The following HTT variants were observed in gnomAD, a reference collection of about 807,000 sequenced individuals.
HTT encodes huntingtin, also known as huntington disease protein.
A neutral mutation model predicts 362.3 loss-of-function variants in HTT; 104 were observed. That is an observed-to-expected ratio of 0.29 (90% confidence interval 0.24 to 0.34). The LOEUF is 0.34. Among genes scored for constraint, HTT ranks in the 10% least tolerant of loss-of-function variants. HTT has a pLI of 1.00. For synonymous variants in HTT, 1,577 were observed against 1,548.7 expected (o/e 1.02, Z -0.43); for missense variants, 3,301 against 3,928.6 (o/e 0.84, Z 4.27).
intron 59 of HTT, 147 bp from the exon 60 acceptor site, chr4:3,229,740 A>C (rs1197577351): frequency 1.2e-6 from 1 of 853,624 alleles, no homozygotes; most frequent in Admixed American, 2.0e-5. Context: ...ACACGCATAC[A>C]CCACACACAC....
At chr4:3,122,604 G>C (rs576787394) in intron 9 of HTT, among the ~76,000 whole-genome samples, 1 of 152,334 alleles carries the variant, frequency 6.6e-6, no homozygotes, top group South Asian at 2.1e-4. Context: ...CTGTTAGTCA[G>C]CTAAATAATC....
intron 8 of HTT, among the ~76,000 whole-genome samples, chr4:3,119,433 CA>C (rs1424577750): frequency 6.6e-6 from 1 of 152,218 alleles, no homozygotes; most frequent in Non-Finnish European, 1.5e-5. Context: ...TTTCAAATGA[CA>C]TGGAGTAGTA....
chr4:3,157,741 A>T (rs146806801), intron 28 of HTT, among the ~76,000 whole-genome samples: 88 of 151,974 alleles, frequency 5.8e-4, no homozygotes, highest in Middle Eastern at 3.4e-3. Context: ...CTGTCTAGGG[A>T]TGTTTTAGTT....
intron 3 of HTT, among the ~76,000 whole-genome samples, chr4:3,103,361 A>AT (rs1714257914): frequency 1.3e-5 from 2 of 150,418 alleles, no homozygotes; most frequent in Admixed American, 1.3e-4. Flanking sequence ...AGTAGCTGGG[A>AT]TTACAGGCGC....
intron 30 of HTT, 64 bp downstream of exon 30, chr4:3,172,461 C>T (rs1718035934): frequency 1.9e-6 from 2 of 1,037,544 alleles, no homozygotes; most frequent in East Asian, 2.4e-5. Flanking sequence ...AACGCTGCTA[C>T]TCCTTAAGAG....
In HTT at chr4:3,214,062, C is replaced by G; in HGVS notation, c.6879C>G (p.Ser2293Arg). 1 of 1,609,298 alleles carries G rather than the reference C, an allele frequency of 6.2e-7. No homozygotes were observed. Residue 2293 changes from serine to arginine, a missense_variant, in exon 50 of 67, where the codon AGC becomes AGG. Physicochemically the swap from Ser to Arg is moderately radical, Grantham distance 110. This residue lies in a region of HTT where 220 missense variants were observed against 218.5 expected (regional missense o/e 1.01). Transcript: ENST00000355072. ...CLALQLPGLW[S>R]VVSSTEFVTH... ...CCCTGCAGCTGCCTGGCCTCTGGAG[C>G]GTGGTCTCCTCCACAGAGTTTGTGA...
intron 6 of HTT, among the ~76,000 whole-genome samples, chr4:3,115,065 A>T (rs1298275202): frequency 6.6e-6 from 1 of 152,162 alleles, no homozygotes; most frequent in African/African-American, 2.4e-5. Flanking sequence ...CGGAGAGGAC[A>T]TGGATGCTGA....
chr4:3,240,674 G>C lies in HTT; in HGVS notation c.*615G>C, dbSNP rs906100149. On this transcript the variant is annotated 3_prime_UTR_variant, in exon 67 of 67. Transcript: ENST00000355072. ...TTTTAACGTAACTCTTTCTATGCCC[G>C]TGTAAAGTATGTGAATCGCAAGGCC... The C allele has an allele frequency of 6.4e-6, 1 of 155,044 alleles. No homozygotes were observed. 9.6% of individuals were successfully genotyped at this position (155,044 alleles called of 1,614,324 possible).
chr4:3,143,179 G>C (rs1716428826), intron 23 of HTT, among the ~76,000 whole-genome samples: 1 of 152,168 alleles, frequency 6.6e-6, no homozygotes, highest in Non-Finnish European at 1.5e-5. Flanking sequence ...GCTCATGCCT[G>C]TAATCCCAGC....
chr4:3,229,541 C>A (rs1372265836), intron 59 of HTT, among the ~76,000 whole-genome samples: 3 of 150,202 alleles, frequency 2.0e-5, no homozygotes, highest in Non-Finnish European at 4.4e-5. Context: ...ACACACATGC[C>A]ACACACACAT....
chr4:3,122,027 G>A (rs1715319793), intron 9 of HTT, among the ~76,000 whole-genome samples: 1 of 152,228 alleles, frequency 6.6e-6, no homozygotes, highest in Admixed American at 6.5e-5. Flanking sequence ...AATAGTTCCA[G>A]GATCCTCATG....
Position 3,094,714 on chromosome 4 carries a change from C to T in HTT, c.348-4560C>T, listed in dbSNP as rs536934576. ...GGGGCGGCTGGCCGGGCGGGGGCTG[C>T]CCCCCACCTCCCGGACGGAGCGGCT... On this transcript the variant is annotated intron_variant, in intron 2 of 66. Transcript: ENST00000355072. 4.5e-5 allele frequency among the ~76,000 whole-genome samples: 6 copies of T among 133,860 alleles called. No homozygotes were observed. In the East Asian group the frequency reaches 1.0e-3, roughly 23 times the overall value. The allele number at this position is 133,860 out of a possible 152,430, so 87.8% of individuals were successfully genotyped here. A position where few individuals can be genotyped will look rare whatever the true frequency, so the allele number is the denominator to read the frequency against.
In HTT at chr4:3,175,121, A is replaced by G. The variant is rs1474995425; in HGVS notation, c.4407+14A>G. On this transcript the variant is annotated intron_variant, in intron 33 of 66. Transcript: ENST00000355072. The stretch of plus-strand genomic sequence containing the variant: ...GATTCAGATCAGGTTTGTCACTTTT[A>G]TCTTTCATCCATCATACCTGTTCCT... 1.9e-6 allele frequency: 3 copies of G among 1,605,778 alleles called. No homozygotes were observed. Among genetic ancestry groups the G allele is most frequent in the African/African-American group, 2.7e-5 (2 of 74,426 alleles).
chr4:3,239,849 C>G lies in HTT; in HGVS notation c.9219C>G (p.Leu3073=). The change falls in exon 67 of 67, where the codon CTC becomes CTG. Residue 3073 remains leucine, a synonymous_variant. Coordinates refer to ENST00000355072, the MANE Select transcript of HTT (RefSeq NM_001388492.1). ...TTTTCCTTAACTCCTGCACCAGCCT[C>G]CCACATGTCATCAGCAGGATGGGCA... ...ASTSPWVAAI[L]PHVISRMGKL... 1 of 1,555,512 alleles carries G rather than the reference C, an allele frequency of 6.4e-7. No homozygotes were observed. The highest frequency in any genetic ancestry group is 2.4e-5 in the East Asian group (1 of 41,598).
intron 31 of HTT, among the ~76,000 whole-genome samples, chr4:3,174,353 C>G (rs892734889): frequency 1.3e-5 from 2 of 152,122 alleles, no homozygotes; most frequent in African/African-American, 4.8e-5. Context: ...AAGGCTTGTC[C>G]TCCAAAAAAA....
Position 3,125,556 on chromosome 4 carries a change from G to A in HTT, c.1329G>A (p.Val443=). 6.2e-7 allele frequency: 1 copy of A among 1,612,352 alleles called. No homozygotes were observed. Among genetic ancestry groups the A allele is most frequent in the Non-Finnish European group, 8.5e-7 (1 of 1,178,420 alleles). Residue 443 remains valine (V), a synonymous_variant, in exon 11 of 67, where the codon GTG becomes GTA. Transcript: ENST00000355072. ...PVLSRKQKGK[V]LLGEEEALED... ...TGGTACATTATTTACTAGGCAAAGT[G>A]CTCTTAGGAGAAGAAGAAGCCTTGG...
rs559704086 is a variant in HTT at position 3,084,404 on chromosome 4, T to A, written c.264-2535T>A. Among the ~76,000 whole-genome samples the A allele has an allele frequency of 2.6e-5, 4 of 151,946 alleles. No individual in the cohort carries two copies. In the East Asian group the frequency reaches 7.7e-4, roughly 29 times the overall value. On this transcript the variant is annotated intron_variant, in intron 1 of 66. Coordinates refer to ENST00000355072, the MANE Select transcript of HTT (RefSeq NM_001388492.1). ...CACACATGACATTAAAACATCAAGA[T>A]CAGGTCGGACGTGGTGGCTCATGCC...
At chr4:3,154,515 A>G in intron 27 of HTT, 96 bp downstream of exon 27, 18 of 1,466,304 alleles carry the variant, frequency 1.2e-5, no homozygotes, top group Non-Finnish European at 1.7e-5. Flanking sequence ...AGAAATAAAT[A>G]TAATACACAT....
At chr4:3,172,224 A>C in intron 29 of HTT, 96 bp from the exon 30 acceptor site, 1 of 784,550 alleles carries the variant, frequency 1.3e-6, no homozygotes. Context: ...TACACAATTT[A>C]AATGGAAGTT....
Sources: gnomAD v4.1 joint callset for allele counts (sites outside exome capture counted in the v4.1 genomes callset) on GRCh38, gnomAD v4.1.1 for gene constraint, gnomAD v4.1.1 regional missense constraint, MANE v1.5 for transcripts, NCBI Gene and HGNC (gene_info 2026-07-23, HGNC 2026-07-21) for gene names.